OTUD7B: variants seen among roughly 807,000 people sequenced by gnomAD.
OTUD7B encodes the protein OTU domain-containing protein 7B.
A neutral mutation model predicts 82.2 loss-of-function variants in OTUD7B; 34 were observed. That is an observed-to-expected ratio of 0.41 (90% confidence interval 0.31 to 0.55). OTUD7B has a LOEUF of 0.55. Ranked by LOEUF, OTUD7B falls within the 20% of genes least tolerant of loss-of-function variation. The pLI is 0.20. For missense variants in OTUD7B, 944 were observed against 1,062.1 expected (o/e 0.89, Z 1.55); for synonymous variants, 398 against 402.7 (o/e 0.99, Z 0.14).
At chr1:149,954,604 A>G (rs1648519974) in intron 7 of OTUD7B, among the ~76,000 whole-genome samples, 1 of 152,142 alleles carries the variant, frequency 6.6e-6, no homozygotes, top group Non-Finnish European at 1.5e-5. Flanking sequence ...ATTGATTGGA[A>G]TAGTTTCAGA....
At chr1:149,949,127 GA>G (rs1647990224) in intron 9 of OTUD7B, 44 bp from the exon 10 acceptor site, 1 of 1,189,360 alleles carries the variant, frequency 8.4e-7, no homozygotes, top group Non-Finnish European at 1.3e-6. Flanking sequence ...CCTTAAGAGA[GA>G]AAGGTAACTG....
In OTUD7B at chr1:149,944,180, C is replaced by T; in HGVS notation, c.2209G>A (p.Gly737Arg). The T allele has an allele frequency of 6.2e-7, 1 of 1,613,856 alleles. No individual in the cohort carries two copies. ...CTGTCCTGGTGGGGGTAGGGTCGCC[C>T]AGGAGGGCACTGTCTGGGGAAGGTG... Reference protein sequence around the residue: ...YATFPRQCPPGRPYPHQDSIP... With the variant: ...YATFPRQCPPRRPYPHQDSIP... Residue 737 changes from glycine to arginine, a missense_variant, in exon 12 of 12, where the codon GGG (glycine) becomes AGG (arginine). Gly to Arg is a moderately radical substitution (Grantham distance 125). Transcript: ENST00000581312.
intron 2 of OTUD7B, among the ~76,000 whole-genome samples, chr1:149,976,186 C>T (rs1232347256): frequency 6.6e-6 from 1 of 152,062 alleles, no homozygotes; most frequent in Non-Finnish European, 1.5e-5. Context: ...TAAAATATTA[C>T]CTATGTATGC....
At chr1:150,045,271 T>G in the OTUD7B span, among the ~76,000 whole-genome samples, 1 of 151,588 alleles carries the variant, frequency 6.6e-6, no homozygotes, top group South Asian at 2.1e-4. Context: ...TTTTTGTATT[T>G]TTAGTAGAAA....
chr1:149,955,245 T>C (rs1268944327), intron 7 of OTUD7B, among the ~76,000 whole-genome samples: 1 of 152,212 alleles, frequency 6.6e-6, no homozygotes, highest in Non-Finnish European at 1.5e-5. Context: ...TGTTGTGTCT[T>C]TGTTCTCATT....
rs587702512 is a variant in OTUD7B at position 149,949,547 on chromosome 1, T to G, written c.1123+82A>C. The G allele has an allele frequency of 2.1e-6, 3 of 1,441,796 alleles. No homozygotes were observed. The African/African-American group carries it at 4.2e-5, about 20-fold the overall frequency. 89.3% of individuals were successfully genotyped at this position (1,441,796 alleles called of 1,614,324 possible). ...TGTGCTGTCTGGGCTTGCATGTCACTTAATTCTTTCCTCCTACATTAGATC... is the reference window on the plus strand; with the variant it reads ...TGTGCTGTCTGGGCTTGCATGTCACGTAATTCTTTCCTCCTACATTAGATC... On this transcript the variant is annotated intron_variant, in intron 9 of 11. Transcript: ENST00000581312.
chr1:149,946,042 A>T (rs1647697096), intron 11 of OTUD7B, among the ~76,000 whole-genome samples: 1 of 134,970 alleles, frequency 7.4e-6, no homozygotes. Flanking sequence ...CCTGGGCAAA[A>T]AGAGTGAAAC....
chr1:150,010,133 C>G (rs1392040356), intron 1 of OTUD7B, among the ~76,000 whole-genome samples: 1 of 152,180 alleles, frequency 6.6e-6, no homozygotes, highest in Non-Finnish European at 1.5e-5. Context: ...TAAAACTCCA[C>G]CATCCCTCCC....
intron 1 of OTUD7B, among the ~76,000 whole-genome samples, chr1:150,002,033 T>C (rs1652325655): frequency 6.6e-6 from 1 of 152,050 alleles, no homozygotes; most frequent in South Asian, 2.1e-4. Flanking sequence ...AAAAATCCAA[T>C]GAAAATGAAA....
chr1:150,007,674 G>C (rs1168408220), intron 1 of OTUD7B, among the ~76,000 whole-genome samples: 1 of 152,064 alleles, frequency 6.6e-6, no homozygotes, highest in Non-Finnish European at 1.5e-5. Context: ...ACTCAGCAAG[G>C]ATGTCTTATT....
chr1:149,997,872 G>A lies in OTUD7B; in HGVS notation c.-67+12576C>T, dbSNP rs1458500651. Reference sequence around the variant, plus strand: ...CTCAAGCAATGTGATCTAGTAGAAAGAGCACTAAACAACAATCAAAAGAAC... The same window carrying A: ...CTCAAGCAATGTGATCTAGTAGAAAAAGCACTAAACAACAATCAAAAGAAC... On this transcript the variant is annotated intron_variant, in intron 1 of 11. Transcript: ENST00000581312. Among the ~76,000 whole-genome samples, 11 of 152,082 alleles carry A rather than the reference G, an allele frequency of 7.2e-5. No homozygotes were observed. The South Asian group carries it at 2.1e-3, about 29-fold the overall frequency.
upstream of OTUD7B, among the ~76,000 whole-genome samples, chr1:150,011,196 A>G (rs1372631939): frequency 5.9e-5 from 9 of 152,338 alleles, no homozygotes; most frequent in African/African-American, 1.9e-4. Flanking sequence ...TCACTCTTGA[A>G]GTGAACATAT....
chr1:150,055,436 G>A, the OTUD7B span, among the ~76,000 whole-genome samples: 1 of 152,240 alleles, frequency 6.6e-6, no homozygotes, highest in South Asian at 2.1e-4. Flanking sequence ...GAACACTTCT[G>A]CACTGTTGGT....
upstream of OTUD7B, among the ~76,000 whole-genome samples, chr1:150,013,694 A>G (rs1344246482): frequency 1.3e-5 from 2 of 151,678 alleles, no homozygotes; most frequent in Admixed American, 6.6e-5. Flanking sequence ...AGGCTGAGGC[A>G]GGCGGATCAT....
chr1:150,026,550 C>T, the OTUD7B span, among the ~76,000 whole-genome samples: 1 of 152,150 alleles, frequency 6.6e-6, no homozygotes, highest in Non-Finnish European at 1.5e-5. Context: ...TCTGCCTTAT[C>T]CTCAGTGATT....
chr1:149,955,620 C>T (rs1399719461), intron 7 of OTUD7B, among the ~76,000 whole-genome samples: 1 of 152,068 alleles, frequency 6.6e-6, no homozygotes, highest in Admixed American at 6.6e-5. Flanking sequence ...TCTCGTTGAT[C>T]TCTCTAATGT....
At chr1:149,955,493 T>G (rs1367413410) in intron 7 of OTUD7B, among the ~76,000 whole-genome samples, 1 of 152,222 alleles carries the variant, frequency 6.6e-6, no homozygotes, top group Non-Finnish European at 1.5e-5. Context: ...AAGTGTGATG[T>G]GGTGCTAAGA....
chr1:149,961,522 A>C (rs1018432950), intron 6 of OTUD7B: 5 of 152,068 alleles, frequency 3.3e-5, no homozygotes, highest in Non-Finnish European at 7.3e-5. Flanking sequence ...ATGCCTGGCT[A>C]GTTTTGTATT....
At chr1:150,053,701 G>A in the OTUD7B span, among the ~76,000 whole-genome samples, 2,215 of 151,980 alleles carry the variant, frequency 0.015, 68 homozygotes, top group African/African-American at 0.051. Context: ...CGGCTGAACA[G>A]ACACTTTCCA....
Sources: gnomAD v4.1 joint callset for allele counts (sites outside exome capture counted in the v4.1 genomes callset) on GRCh38, gnomAD v4.1.1 for gene constraint, MANE v1.5 for transcripts, NCBI Gene and HGNC (gene_info 2026-07-23, HGNC 2026-07-21) for gene names.